The following KIF6 variants were observed in gnomAD, a reference collection of about 807,000 sequenced individuals.
KIF6 encodes the protein kinesin-like protein KIF6.
In KIF6, 106 loss-of-function variants were observed where a neutral mutation model predicts 112.7. That is an observed-to-expected ratio of 0.94 (90% CI 0.80 to 1.11). The LOEUF is 1.11. KIF6 is among the 50% of genes least tolerant of loss of function. KIF6 has a pLI of 0.00. For missense variants in KIF6, 929 were observed against 964.0 expected (o/e 0.96, Z 0.48); for synonymous variants, 339 against 339.9 (o/e 1.00, Z 0.03).
chr6:39,366,419 G>A (rs1765557984), intron 16 of KIF6, among the ~76,000 whole-genome samples: 1 of 152,196 alleles, frequency 6.6e-6, no homozygotes, highest in Non-Finnish European at 1.5e-5. Flanking sequence ...CCTGTTCTAG[G>A]GGGATTCCAG....
chr6:39,543,202 A>G (rs1778884243), intron 12 of KIF6, among the ~76,000 whole-genome samples: 1 of 152,222 alleles, frequency 6.6e-6, no homozygotes, highest in African/African-American at 2.4e-5. Context: ...TTAAAGGAGA[A>G]GATCCTAGAC....
chr6:39,330,026 C>T lies in KIF6; in HGVS notation c.*6506G>A, dbSNP rs1762684457. The T allele has an allele frequency of 6.6e-6, 1 of 152,204 alleles. No individual in the cohort carries two copies. Among genetic ancestry groups the T allele is most frequent in the African/African-American group, 2.4e-5 (1 of 41,452 alleles). 9.4% of individuals were successfully genotyped at this position (152,204 alleles called of 1,614,324 possible). ...ATTTGTTTATTGTCTAATTGGTTCA[C>T]ATGACGATTCTTTGTCCTATGATGT... On this transcript the variant is annotated 3_prime_UTR_variant, in exon 23 of 23. Coordinates refer to ENST00000287152, the MANE Select transcript of KIF6 (RefSeq NM_145027.6).
intron 13 of KIF6, among the ~76,000 whole-genome samples, chr6:39,496,837 C>A (rs1775812077): frequency 6.6e-6 from 1 of 152,192 alleles, no homozygotes; most frequent in African/African-American, 2.4e-5. Flanking sequence ...ATTTTCAAGA[C>A]CCTTCACAAA....
chr6:39,408,292 C>A (rs1455176515), intron 15 of KIF6, among the ~76,000 whole-genome samples: 2 of 152,128 alleles, frequency 1.3e-5, no homozygotes. Flanking sequence ...TAATGAAGCT[C>A]TTTGGGAAGG....
chr6:39,402,965 T>C (rs1768817200), intron 15 of KIF6, among the ~76,000 whole-genome samples: 1 of 152,212 alleles, frequency 6.6e-6, no homozygotes, highest in Admixed American at 6.5e-5. Context: ...CCTACTGCGT[T>C]CAGCCTGAAA....
At chr6:39,534,709 G>C (rs1417513014) in intron 13 of KIF6, among the ~76,000 whole-genome samples, 1 of 152,122 alleles carries the variant, frequency 6.6e-6, no homozygotes, top group African/African-American at 2.4e-5. Flanking sequence ...GAAATACAGA[G>C]AATGCCACAA....
chr6:39,370,607 C>G (rs1479205089), intron 16 of KIF6, among the ~76,000 whole-genome samples: 1 of 152,196 alleles, frequency 6.6e-6, no homozygotes, highest in Non-Finnish European at 1.5e-5. Flanking sequence ...GCTGGCTAGA[C>G]AACCCAAACA....
intron 13 of KIF6, among the ~76,000 whole-genome samples, chr6:39,526,525 T>C (rs1295566563): frequency 2.0e-5 from 3 of 152,220 alleles, no homozygotes; most frequent in Admixed American, 1.3e-4. Flanking sequence ...CAAAGACTAC[T>C]AGACAAAACA....
chr6:39,571,756 T>A (rs1780651826), intron 10 of KIF6, among the ~76,000 whole-genome samples: 2 of 152,210 alleles, frequency 1.3e-5, no homozygotes, highest in Non-Finnish European at 2.9e-5. Flanking sequence ...ATTCTTCAAT[T>A]CCTCCATGAG....
At chr6:39,697,013 C>T (rs1479699779) in intron 3 of KIF6, among the ~76,000 whole-genome samples, 1 of 152,048 alleles carries the variant, frequency 6.6e-6, no homozygotes, top group African/African-American at 2.4e-5. Flanking sequence ...TTTCTATAGT[C>T]ATCTCTAAAA....
intron 2 of KIF6, among the ~76,000 whole-genome samples, chr6:39,718,258 A>C (rs1789984515): frequency 6.7e-6 from 1 of 148,434 alleles, no homozygotes; most frequent in African/African-American, 2.5e-5. Flanking sequence ...AAAAAAGAAT[A>C]CTTTGGATAG....
At chr6:39,590,527 C>G (rs146200303) in intron 7 of KIF6, among the ~76,000 whole-genome samples, 34 of 148,530 alleles carry the variant, frequency 2.3e-4, no homozygotes, top group Middle Eastern at 3.7e-3. Flanking sequence ...CCTGGGCTCA[C>G]TGGAACCTCT....
At chr6:39,564,357 G>A (rs182723584) in intron 10 of KIF6, among the ~76,000 whole-genome samples, 40 of 152,324 alleles carry the variant, frequency 2.6e-4, no homozygotes, top group Admixed American at 1.2e-3. Flanking sequence ...GGGTTTGAAG[G>A]ATGGGAATGA....
chr6:39,723,026 C>G (rs1425090599), intron 1 of KIF6, among the ~76,000 whole-genome samples: 1 of 152,228 alleles, frequency 6.6e-6, no homozygotes, highest in African/African-American at 2.4e-5. Flanking sequence ...GACCTTATCC[C>G]AGCCTCTGCT....
intron 7 of KIF6, among the ~76,000 whole-genome samples, chr6:39,595,417 A>T (rs1039202141): frequency 6.6e-6 from 1 of 152,172 alleles, no homozygotes; most frequent in Non-Finnish European, 1.5e-5. Context: ...TAAAATCTGT[A>T]AGAGGGGGAT....
At chr6:39,615,256 C>T (rs532307790) in intron 5 of KIF6, among the ~76,000 whole-genome samples, 5 of 151,712 alleles carry the variant, frequency 3.3e-5, no homozygotes, top group Non-Finnish European at 7.4e-5. Context: ...AAGTCAAAAA[C>T]GAATTATCTA....
At chr6:39,460,264 T>C (rs1391058124) in intron 13 of KIF6, among the ~76,000 whole-genome samples, 2 of 118,524 alleles carry the variant, frequency 1.7e-5, no homozygotes, top group Non-Finnish European at 3.4e-5. Flanking sequence ...CTCAGTAAAC[T>C]ATCGCAAGAA....
At chr6:39,481,045 C>G (rs942360716) in intron 13 of KIF6, among the ~76,000 whole-genome samples, 2 of 151,488 alleles carry the variant, frequency 1.3e-5, no homozygotes, top group African/African-American at 4.8e-5. Flanking sequence ...TTTTTTCTTT[C>G]AATTTCATTT....
intron 13 of KIF6, among the ~76,000 whole-genome samples, chr6:39,440,005 T>C (rs1308988239): frequency 6.6e-6 from 1 of 152,154 alleles, no homozygotes; most frequent in Non-Finnish European, 1.5e-5. Flanking sequence ...TGCTGAAAAA[T>C]GATTTCCTAG....
Sources: allele counts gnomAD v4.1 joint callset (sites outside exome capture counted in the v4.1 genomes callset), GRCh38; gene constraint gnomAD v4.1.1; transcripts MANE v1.5; gene names NCBI Gene and HGNC (gene_info 2026-07-23, HGNC 2026-07-21).